The following CENPP variants were observed in gnomAD, a reference collection of about 807,000 sequenced individuals.
The protein encoded by CENPP is centromere protein P.
Under a neutral mutation model 35.6 loss-of-function variants are expected in CENPP, and 24 were observed. The observed-to-expected ratio is 0.67, with a 90% CI of 0.49 to 0.95. The LOEUF (loss-of-function observed/expected upper bound fraction) is 0.95. Among genes scored for constraint, CENPP ranks in the 40% least tolerant of loss-of-function variants. CENPP has a pLI of 0.00. For synonymous variants in CENPP, 120 were observed against 125.5 expected, an observed-to-expected ratio of 0.96 and a Z score of 0.29; for missense variants, 332 against 345.3, an observed-to-expected ratio of 0.96 and a Z score of 0.31.
At chr9:92,394,408 ATTT>A (rs34978081) in intron 5 of CENPP, among the ~76,000 whole-genome samples, 4 of 130,952 alleles carry the variant, frequency 3.1e-5, no homozygotes, top group Non-Finnish European at 3.3e-5. Flanking sequence ...ACACATGGCT[ATTT>A]TTTTTTTTTT....
At chr9:92,500,650 A>G (rs1275797414) in intron 5 of CENPP, 1 of 1,409,690 alleles carries the variant, frequency 7.1e-7, no homozygotes, top group African/African-American at 1.4e-5. Context: ...TAAATCCCAG[A>G]GATCATGTCA....
chr9:92,552,481 G>A (rs1229368226), intron 5 of CENPP, among the ~76,000 whole-genome samples: 1 of 152,034 alleles, frequency 6.6e-6, no homozygotes, highest in Non-Finnish European at 1.5e-5. Flanking sequence ...AGTGTTCCCT[G>A]TTCACCGCAT....
At position 92,619,851 on chromosome 9, in the gene CENPP, G is replaced by A; in HGVS notation, c.*6702G>A. 2.2e-6 allele frequency: 1 copy of A among 459,638 alleles called. No individual in the cohort carries two copies. The allele number at this position is 459,638 out of a possible 1,614,324, so 28.5% of individuals were successfully genotyped here. A position where few individuals can be genotyped will look rare whatever the true frequency, so the allele number is the denominator to read the frequency against. ...CTCCAGACCCTGAGACGGATGATCTGTCTTCAGCAAGGTCACCACAGTCGG... is the reference window on the plus strand; with the variant it reads ...CTCCAGACCCTGAGACGGATGATCTATCTTCAGCAAGGTCACCACAGTCGG... On this transcript the variant is annotated 3_prime_UTR_variant, in exon 8 of 8. Coordinates refer to ENST00000375587, the MANE Select transcript of CENPP (RefSeq NM_001012267.3).
chr9:92,500,637 A>T, intron 5 of CENPP: 1 of 1,339,626 alleles, frequency 7.5e-7, no homozygotes, highest in African/African-American at 1.5e-5. Flanking sequence ...TTTTCCCTTA[A>T]CGTAAATCCC....
At chr9:92,546,540 C>T (rs117837994) in intron 5 of CENPP, among the ~76,000 whole-genome samples, 4,102 of 151,946 alleles carry the variant, frequency 0.027, 85 homozygotes, top group Non-Finnish European at 0.04. Flanking sequence ...TAATAGTCAA[C>T]GCCAAGGTCT....
At chr9:92,385,740 G>A (rs1842392385) in intron 5 of CENPP, 1 of 1,614,092 alleles carries the variant, frequency 6.2e-7, no homozygotes, top group Non-Finnish European at 8.5e-7. Flanking sequence ...TGTAACTGGT[G>A]TCATTAGCCT....
At chr9:92,498,382 T>A (rs1334328099) in intron 5 of CENPP, among the ~76,000 whole-genome samples, 1 of 152,036 alleles carries the variant, frequency 6.6e-6, no homozygotes, top group Non-Finnish European at 1.5e-5. Flanking sequence ...CACACCAACA[T>A]GGCACATGTA....
At chr9:92,433,466 T>A (rs1379839377) in intron 5 of CENPP, among the ~76,000 whole-genome samples, 1 of 152,148 alleles carries the variant, frequency 6.6e-6, no homozygotes, top group Non-Finnish European at 1.5e-5. Flanking sequence ...GCCTGATACC[T>A]TTTTTTCTTC....
chr9:92,427,265 C>G, intron 5 of CENPP, among the ~76,000 whole-genome samples: 1 of 152,282 alleles, frequency 6.6e-6, no homozygotes, highest in South Asian at 2.1e-4. Flanking sequence ...TGGGTTCAAG[C>G]GATTCTCCTG....
At chr9:92,519,808 A>G (rs1296883487) in intron 5 of CENPP, among the ~76,000 whole-genome samples, 1 of 152,112 alleles carries the variant, frequency 6.6e-6, no homozygotes, top group African/African-American at 2.4e-5. Context: ...GTAAAAGATA[A>G]ATTAGACTTT....
At chr9:92,380,081 A>T (rs1018425787) in intron 5 of CENPP, among the ~76,000 whole-genome samples, 2 of 152,252 alleles carry the variant, frequency 1.3e-5, no homozygotes, top group South Asian at 4.1e-4. Context: ...AAGTGTGGTT[A>T]TATTCAAATT....
chr9:92,556,210 T>C (rs1229186658), intron 5 of CENPP, among the ~76,000 whole-genome samples: 1 of 152,226 alleles, frequency 6.6e-6, no homozygotes, highest in Non-Finnish European at 1.5e-5. Context: ...AGTTTCCTTT[T>C]GGAATTGATT....
At chr9:92,459,514 T>A in intron 5 of CENPP, 9 of 943,850 alleles carry the variant, frequency 9.5e-6, no homozygotes, top group Non-Finnish European at 1.3e-5. Flanking sequence ...ACCTGGAGAG[T>A]CATTATGTTT....
intron 4 of CENPP, among the ~76,000 whole-genome samples, chr9:92,372,427 T>G (rs372759718): frequency 2.4e-4 from 37 of 152,312 alleles, no homozygotes; most frequent in South Asian, 2.1e-3. Flanking sequence ...ATATATTCTT[T>G]GTTCCTGTCT....
chr9:92,474,335 T>G (rs1441779710), intron 5 of CENPP, among the ~76,000 whole-genome samples: 1 of 152,202 alleles, frequency 6.6e-6, no homozygotes, highest in Non-Finnish European at 1.5e-5. Context: ...GAACTGCATG[T>G]GATGTCCATT....
At chr9:92,420,061 C>T (rs1424991704) in intron 5 of CENPP, among the ~76,000 whole-genome samples, 1 of 152,144 alleles carries the variant, frequency 6.6e-6, no homozygotes, top group South Asian at 2.1e-4. Flanking sequence ...GAGCTCTCTT[C>T]CTGCAGTGAT....
Position 92,345,754 on chromosome 9 carries a change from C to T in CENPP, c.434C>T (p.Thr145Ile). 1 of 1,601,894 alleles carries T rather than the reference C, an allele frequency of 6.2e-7. No individual in the cohort carries two copies. The highest frequency in any genetic ancestry group is 8.5e-7 in the Non-Finnish European group (1 of 1,169,952). ...VTDLNIIMEP[T>I]ECSELSEFVS... The stretch of plus-strand genomic sequence containing the variant: ...GACCTCAACATAATAATGGAGCCCA[C>T]AGAATGCTCAGAATTAAGTGAATTT... Residue 145 changes from threonine (T) to isoleucine (I), a missense_variant, in exon 4 of 8, where the codon ACA becomes ATA. By Grantham distance (89) the Thr-to-Ile change is moderately conservative. Coordinates refer to ENST00000375587, the MANE Select transcript of CENPP (RefSeq NM_001012267.3).
At chr9:92,557,935 G>A (rs1324957099) in intron 5 of CENPP, among the ~76,000 whole-genome samples, 1 of 152,090 alleles carries the variant, frequency 6.6e-6, no homozygotes, top group Non-Finnish European at 1.5e-5. Flanking sequence ...GAGCCACCGC[G>A]CCTGGCCTGC....
At chr9:92,493,026 TA>T (rs1846216725) in intron 5 of CENPP, among the ~76,000 whole-genome samples, 1 of 152,196 alleles carries the variant, frequency 6.6e-6, no homozygotes, top group Non-Finnish European at 1.5e-5. Context: ...AGCCTCTTCC[TA>T]AGGCCAAGCC....
Sources: gnomAD v4.1 joint callset for allele counts (sites outside exome capture counted in the v4.1 genomes callset) on GRCh38, gnomAD v4.1.1 for gene constraint, MANE v1.5 for transcripts, NCBI Gene and HGNC (gene_info 2026-07-23, HGNC 2026-07-21) for gene names.